The following TRHDE variants were observed in gnomAD, a reference collection of about 807,000 sequenced individuals.
TRHDE encodes the protein thyrotropin-releasing hormone-degrading ectoenzyme.
TRHDE carries 72 observed loss-of-function variants against 125.7 expected under a neutral mutation model. The observed-to-expected ratio is 0.57, with a 90% confidence interval of 0.47 to 0.70. TRHDE has a LOEUF of 0.70. TRHDE is among the 30% of genes least tolerant of loss of function. The pLI, the probability that TRHDE is intolerant of heterozygous loss-of-function variation, is 0.00. For missense variants in TRHDE, 1,110 were observed against 1,327.1 expected, an observed-to-expected ratio of 0.84 and a Z score of 2.54; for synonymous variants, 509 against 509.1, an observed-to-expected ratio of 1.00 and a Z score of 0.00.
chr12:72,584,986 CTATTT>C (rs1309789222), intron 12 of TRHDE, among the ~76,000 whole-genome samples: 1 of 152,088 alleles, frequency 6.6e-6, no homozygotes, highest in African/African-American at 2.4e-5. Flanking sequence ...CTTTTTGTCA[CTATTT>C]TTATCATCTT....
At chr12:72,579,358 A>G (rs1263774331) in intron 12 of TRHDE, among the ~76,000 whole-genome samples, 1 of 152,118 alleles carries the variant, frequency 6.6e-6, no homozygotes, top group Non-Finnish European at 1.5e-5. Flanking sequence ...CTGGTTAAAA[A>G]GAAGTTGTGC....
At chr12:72,564,111 T>C (rs1036991011) in intron 9 of TRHDE, among the ~76,000 whole-genome samples, 17 of 152,180 alleles carry the variant, frequency 1.1e-4, no homozygotes, top group Non-Finnish European at 2.1e-4. Flanking sequence ...AGGAAAGCAG[T>C]GTCTTCTATC....
rs750721535 is a variant in TRHDE, at chr12:72,542,303, A to G, written c.1735A>G (p.Ile579Val). 3.1e-6 allele frequency: 5 copies of G among 1,604,000 alleles called. No homozygotes were observed. Among genetic ancestry groups the G allele is most frequent in the Non-Finnish European group, 4.3e-6 (5 of 1,173,836 alleles). The change falls in exon 7 of 19, where the codon ATA becomes GTA. Residue 579 changes from isoleucine (I) to valine (V), a missense_variant. Around this residue, in one of 5 missense-constraint regions of TRHDE, gnomAD observed 527 missense variants for 651.8 expected, o/e 0.81. Coordinates refer to ENST00000261180, the MANE Select transcript of TRHDE (RefSeq NM_013381.3). ...TTCTTTCCTATAGGGTGCTGCTTTAATAAGAATGCTGGCTAATTTTATGGG... is the reference window on the plus strand; with the variant it reads ...TTCTTTCCTATAGGGTGCTGCTTTAGTAAGAATGCTGGCTAATTTTATGGG... ...WIAYKKGAAL[I>V]RMLANFMGHS...
Position 72,134,322 on chromosome 12 carries a change from C to T in TRHDE, n.279+28570C>T, listed in dbSNP as rs73349007. Among the ~76,000 whole-genome samples the T allele has an allele frequency of 2.8e-3, 432 of 151,996 alleles. 2 individuals are homozygous for T. Among genetic ancestry groups the T allele is most frequent in the African/African-American group, 9.7e-3 (403 of 41,444 alleles). On this transcript the variant is annotated intron_variant and non_coding_transcript_variant, in intron 2 of 4. Transcript: ENST00000548156. ...CATACCTGCAGAATCGCTCTATTGC[C>T]CCGGCTGGAGAAAAAAAAGTTGGAG...
intron 2 of TRHDE, among the ~76,000 whole-genome samples, chr12:72,323,899 GAGA>G (rs1352763791): frequency 2.0e-5 from 3 of 152,052 alleles, no homozygotes; most frequent in African/African-American, 7.2e-5. Flanking sequence ...GATGGCAGCA[GAGA>G]AGTAGACACA....
intron 3 of TRHDE, among the ~76,000 whole-genome samples, chr12:72,444,022 T>C (rs1198340291): frequency 6.6e-6 from 1 of 151,902 alleles, no homozygotes; most frequent in East Asian, 1.9e-4. Context: ...TGCTAATTTA[T>C]TTCCTTCCTC....
intron 6 of TRHDE, among the ~76,000 whole-genome samples, chr12:72,519,397 A>G (rs982251934): frequency 6.6e-6 from 1 of 151,794 alleles, no homozygotes; most frequent in Non-Finnish European, 1.5e-5. Context: ...CATTCATTTC[A>G]TCTTCCATCG....
chr12:72,518,446 T>A (rs1368159719), intron 6 of TRHDE, among the ~76,000 whole-genome samples: 1 of 152,024 alleles, frequency 6.6e-6, no homozygotes. Flanking sequence ...AAGTCTGTTT[T>A]ATCAGAGACT....
intron 10 of TRHDE, among the ~76,000 whole-genome samples, chr12:72,569,357 A>G (rs1225806367): frequency 6.6e-6 from 1 of 152,094 alleles, no homozygotes; most frequent in African/African-American, 2.4e-5. Context: ...TTTATGTAAC[A>G]TTTCATTTAG....
At chr12:72,623,199 TA>T (rs1873123236) in intron 15 of TRHDE, among the ~76,000 whole-genome samples, 1 of 152,038 alleles carries the variant, frequency 6.6e-6, no homozygotes, top group African/African-American at 2.4e-5. Flanking sequence ...TATATACATA[TA>T]AAAAAGATGA....
At chr12:72,515,657 T>C (rs1196548633) in intron 6 of TRHDE, among the ~76,000 whole-genome samples, 5 of 152,068 alleles carry the variant, frequency 3.3e-5, no homozygotes, top group African/African-American at 4.8e-5. Context: ...TAGATCCCAT[T>C]TGTCAATTTT....
chr12:72,369,752 T>G (rs891368255), intron 2 of TRHDE, among the ~76,000 whole-genome samples: 3 of 152,082 alleles, frequency 2.0e-5, no homozygotes, highest in African/African-American at 7.2e-5. Flanking sequence ...GACTAAATGT[T>G]TATAGAGTTT....
intron 3 of TRHDE, among the ~76,000 whole-genome samples, chr12:72,406,860 C>A (rs1873287164): frequency 1.3e-5 from 2 of 152,154 alleles, no homozygotes; most frequent in African/African-American, 4.8e-5. Context: ...TAAAAAACCT[C>A]AAATTTTCAT....
At chr12:72,221,496 G>A (rs760491837) in intron 2 of TRHDE, among the ~76,000 whole-genome samples, 7 of 151,966 alleles carry the variant, frequency 4.6e-5, no homozygotes, top group Non-Finnish European at 1.0e-4. Context: ...CTACTGAAAT[G>A]GCAATTCAGG....
At chr12:72,247,264 C>G (rs1878592278) in intron 2 of TRHDE, among the ~76,000 whole-genome samples, 1 of 152,090 alleles carries the variant, frequency 6.6e-6, no homozygotes, top group Admixed American at 6.5e-5. Context: ...ATGCTCAGTA[C>G]AGATGTAACT....
chr12:72,126,412 G>A (rs981793454), intron 2 of TRHDE, among the ~76,000 whole-genome samples: 26 of 152,052 alleles, frequency 1.7e-4, no homozygotes, highest in African/African-American at 6.0e-4. Context: ...GTAATCCTAA[G>A]CTAAAAGAAC....
At position 72,360,670 on chromosome 12, in the gene TRHDE, A is replaced by G. The variant is rs183644305; in HGVS notation, c.1189-17325A>G. ...TTTTGAAGAGAAATGGATAATACAG[A>G]GTAAAACTGAGTAAAAAATATAAAA... On this transcript the variant is annotated intron_variant, in intron 2 of 18. Coordinates refer to ENST00000261180, the MANE Select transcript of TRHDE (RefSeq NM_013381.3). Among the ~76,000 whole-genome samples the G allele has an allele frequency of 4.0e-5, 6 of 151,888 alleles. No individual in the cohort carries two copies. In the East Asian group the frequency reaches 9.7e-4, roughly 25 times the overall value.
intron 3 of TRHDE, among the ~76,000 whole-genome samples, chr12:72,439,039 G>A (rs138563415): frequency 1.2e-4 from 18 of 151,856 alleles, no homozygotes; most frequent in East Asian, 1.2e-3. Flanking sequence ...TTCAAGCATC[G>A]TTTATTGAAG....
intron 6 of TRHDE, among the ~76,000 whole-genome samples, chr12:72,523,959 C>A (rs1019874912): frequency 6.6e-6 from 1 of 152,128 alleles, no homozygotes; most frequent in Non-Finnish European, 1.5e-5. Context: ...TCCTGTTTTA[C>A]AAGCTGGGAT....
Sources: allele counts gnomAD v4.1 joint callset (sites outside exome capture counted in the v4.1 genomes callset), GRCh38; gene constraint gnomAD v4.1.1; regional missense constraint gnomAD v4.1.1; transcripts MANE v1.5; gene names NCBI Gene and HGNC (gene_info 2026-07-23, HGNC 2026-07-21).